OPCML: variants seen among roughly 807,000 people sequenced by gnomAD.
OPCML encodes the protein opioid-binding protein/cell adhesion molecule.
A neutral mutation model predicts 37.8 loss-of-function variants in OPCML; 13 were observed. That is an observed-to-expected ratio of 0.34 (90% CI 0.22 to 0.55). The LOEUF is 0.55. Ranked by LOEUF, OPCML falls within the 20% of genes least tolerant of loss-of-function variation. OPCML has a pLI of 0.91. For missense variants in OPCML, 341 were observed against 435.6 expected, an observed-to-expected ratio of 0.78 and a Z score of 1.93; for synonymous variants, 176 against 168.8, an observed-to-expected ratio of 1.04 and a Z score of -0.33.
chr11:133,441,548 T>C (rs1333530150), intron 1 of OPCML, among the ~76,000 whole-genome samples: 3 of 152,164 alleles, frequency 2.0e-5, no homozygotes, highest in Non-Finnish European at 2.9e-5. Context: ...TTTTATAATT[T>C]CAAAAGGATT....
chr11:133,215,190 AAGAG>A (rs112597830), intron 1 of OPCML, among the ~76,000 whole-genome samples: 1 of 150,680 alleles, frequency 6.6e-6, no homozygotes, highest in Non-Finnish European at 1.5e-5. Context: ...GTCACATTTT[AAGAG>A]AGAGAGAGAG....
chr11:132,854,183 A>AT (rs1386660942), intron 2 of OPCML, among the ~76,000 whole-genome samples: 1 of 152,144 alleles, frequency 6.6e-6, no homozygotes, highest in Non-Finnish European at 1.5e-5. Context: ...TAATACAGGG[A>AT]TTTTTTTAAA....
intron 1 of OPCML, among the ~76,000 whole-genome samples, chr11:133,318,362 C>T (rs566201709): frequency 6.6e-5 from 10 of 152,308 alleles, no homozygotes; most frequent in African/African-American, 2.4e-4. Context: ...TCCTGGATAT[C>T]TGATTAGGCT....
chr11:132,730,467 G>A (rs1457334263), intron 2 of OPCML, among the ~76,000 whole-genome samples: 2 of 152,064 alleles, frequency 1.3e-5, no homozygotes, highest in African/African-American at 4.8e-5. Flanking sequence ...ATCCTCCCTT[G>A]ATAAATACGA....
chr11:132,893,417 T>A (rs923201451), intron 2 of OPCML, among the ~76,000 whole-genome samples: 2 of 152,214 alleles, frequency 1.3e-5, no homozygotes, highest in Admixed American at 6.5e-5. Context: ...TGCTGGGCAC[T>A]CAGCTAGCCC....
intron 1 of OPCML, among the ~76,000 whole-genome samples, chr11:133,458,935 C>A (rs958099130): frequency 3.3e-5 from 5 of 150,980 alleles, no homozygotes; most frequent in African/African-American, 1.2e-4. Context: ...CTCCAGTAAA[C>A]ATAAATACAT....
intron 2 of OPCML, among the ~76,000 whole-genome samples, chr11:132,759,318 ATGAGTTAG>A (rs1946177374): frequency 6.6e-6 from 1 of 152,178 alleles, no homozygotes; most frequent in South Asian, 2.1e-4. Context: ...GCCTCATAAA[ATGAGTTAG>A]TGAGGAGTCT....
intron 2 of OPCML, among the ~76,000 whole-genome samples, chr11:132,851,044 C>T (rs915282653): frequency 7.2e-5 from 11 of 152,158 alleles, no homozygotes; most frequent in Non-Finnish European, 1.3e-4. Flanking sequence ...CGTCTTTATT[C>T]TCACTCACCT....
chr11:132,841,515 A>G (rs1941285766), intron 2 of OPCML, among the ~76,000 whole-genome samples: 1 of 152,276 alleles, frequency 6.6e-6, no homozygotes, highest in Non-Finnish European at 1.5e-5. Flanking sequence ...TAGGGGAGGA[A>G]GAAAAGTGTG....
At chr11:133,466,439 A>T (rs909786022) in intron 1 of OPCML, among the ~76,000 whole-genome samples, 3 of 152,308 alleles carry the variant, frequency 2.0e-5, no homozygotes, top group Non-Finnish European at 4.4e-5. Context: ...CGGAACCGTG[A>T]CCTTAGCAAA....
intron 2 of OPCML, among the ~76,000 whole-genome samples, chr11:132,832,621 T>C (rs1216865518): frequency 6.6e-6 from 1 of 152,242 alleles, no homozygotes. Context: ...TACATATGCC[T>C]AATCATGTAT....
At chr11:132,808,212 T>C (rs1439656371) in intron 2 of OPCML, among the ~76,000 whole-genome samples, 2 of 152,164 alleles carry the variant, frequency 1.3e-5, no homozygotes, top group Admixed American at 1.3e-4. Flanking sequence ...TGTCCACATG[T>C]GATTACAAGG....
intron 1 of OPCML, among the ~76,000 whole-genome samples, chr11:133,158,974 G>A (rs74378875): frequency 6.6e-6 from 1 of 152,088 alleles, no homozygotes; most frequent in Admixed American, 6.5e-5. Flanking sequence ...GCACACTCAG[G>A]TGGCATGTTC....
intron 2 of OPCML, among the ~76,000 whole-genome samples, chr11:132,782,925 A>ATATATATATATATG (rs1947084021): frequency 7.5e-4 from 109 of 144,624 alleles, no homozygotes; most frequent in Non-Finnish European, 1.2e-3. Context: ...GTGTATATAT[A>ATATATATATATATG]TATATATATA....
At chr11:133,162,458 C>A (rs1003720192) in intron 1 of OPCML, among the ~76,000 whole-genome samples, 3 of 152,196 alleles carry the variant, frequency 2.0e-5, no homozygotes, top group African/African-American at 7.2e-5. Context: ...AAATAAAGTT[C>A]TGTATCTCAA....
chr11:133,317,690 C>A (rs1478792681), intron 1 of OPCML, among the ~76,000 whole-genome samples: 2 of 152,178 alleles, frequency 1.3e-5, no homozygotes, highest in African/African-American at 4.8e-5. Context: ...TCTGCCTGAC[C>A]TCGCTCCACC....
intron 3 of OPCML, among the ~76,000 whole-genome samples, chr11:132,652,298 G>A (rs563087706): frequency 1.2e-4 from 18 of 150,992 alleles, no homozygotes; most frequent in African/African-American, 4.2e-4. Flanking sequence ...CTTGAGCTTT[G>A]TCCTCAATTT....
At chr11:133,507,718 G>A (rs996030569) in intron 1 of OPCML, among the ~76,000 whole-genome samples, 2 of 152,134 alleles carry the variant, frequency 1.3e-5, no homozygotes, top group African/African-American at 2.4e-5. Flanking sequence ...GCCGAGGCGG[G>A]CGGACCACCT....
intron 1 of OPCML, among the ~76,000 whole-genome samples, chr11:133,022,385 T>C (rs1947471600): frequency 6.6e-6 from 1 of 152,178 alleles, no homozygotes; most frequent in African/African-American, 2.4e-5. Context: ...GATTTAGATA[T>C]ACAACTGCAG....
Sources: allele counts gnomAD v4.1 joint callset (sites outside exome capture counted in the v4.1 genomes callset), GRCh38; gene constraint gnomAD v4.1.1; transcripts MANE v1.5; gene names NCBI Gene and HGNC (gene_info 2026-07-23, HGNC 2026-07-21).